UBE2B: variants seen among roughly 807,000 people sequenced by gnomAD.
UBE2B encodes the protein ubiquitin conjugating enzyme E2 B.
UBE2B carries 11 observed loss-of-function variants against 24.6 expected under a neutral mutation model. The observed-to-expected ratio is 0.45, with a 90% confidence interval of 0.28 to 0.74. The LOEUF is 0.74. UBE2B is among the 30% of genes least tolerant of loss of function. UBE2B has a pLI of 0.13. For missense variants in UBE2B, 78 were observed against 185.6 expected, an observed-to-expected ratio of 0.42 and a Z score of 3.37; for synonymous variants, 68 against 62.4, an observed-to-expected ratio of 1.09 and a Z score of -0.42.
At chr5:134,375,558 C>G (rs1344614739) in intron 2 of UBE2B, among the ~76,000 whole-genome samples, 1 of 151,962 alleles carries the variant, frequency 6.6e-6, no homozygotes, top group Non-Finnish European at 1.5e-5. Context: ...GCTTTGAGAT[C>G]CTGAATATGC....
chr5:134,378,874 C>T (rs574101506), intron 3 of UBE2B, among the ~76,000 whole-genome samples: 3 of 148,362 alleles, frequency 2.0e-5, no homozygotes, highest in Non-Finnish European at 4.4e-5. Context: ...GGTTGCAGTG[C>T]GCCAAGATCG....
At chr5:134,379,646 C>CAAAAA (rs1222816195) in intron 3 of UBE2B, among the ~76,000 whole-genome samples, 5 of 75,206 alleles carry the variant, frequency 6.6e-5, no homozygotes. Flanking sequence ...TCTGTCTCAA[C>CAAAAA]AAAAAAAAAA....
At chr5:134,384,972 T>G (rs1758772523) in intron 4 of UBE2B, among the ~76,000 whole-genome samples, 1 of 152,246 alleles carries the variant, frequency 6.6e-6, no homozygotes, top group African/African-American at 2.4e-5. Context: ...GTGACTGACT[T>G]CTGTCACCCA....
chr5:134,387,312 A>T (rs988224525), intron 4 of UBE2B, among the ~76,000 whole-genome samples: 4 of 152,200 alleles, frequency 2.6e-5, no homozygotes, highest in Non-Finnish European at 5.9e-5. Flanking sequence ...ATCTTTGTGC[A>T]TGTCCACGTT....
chr5:134,374,850 G>A (rs573511594), intron 2 of UBE2B, among the ~76,000 whole-genome samples: 3 of 152,246 alleles, frequency 2.0e-5, no homozygotes, highest in South Asian at 4.1e-4. Context: ...GCTGAGGCAG[G>A]AGGATCACTT....
chr5:134,378,297 T>C (rs966373457), intron 3 of UBE2B, among the ~76,000 whole-genome samples: 1 of 152,200 alleles, frequency 6.6e-6, no homozygotes, highest in African/African-American at 2.4e-5. Flanking sequence ...TCTCGCTCTC[T>C]CACCCAGGCT....
In UBE2B at chr5:134,390,172, G is replaced by A. The variant is rs550484724; in HGVS notation, c.331-53G>A. ...GTAATATATTCCATATCTGACCCCTGTTGGTATAAAGAACAACTATGCAAA... is the reference window on the plus strand; with the variant it reads ...GTAATATATTCCATATCTGACCCCTATTGGTATAAAGAACAACTATGCAAA... On this transcript the variant is annotated intron_variant, in intron 5 of 5. Transcript: ENST00000265339. This position sits in a 1 kb window ranked among gnomAD's most constrained non-coding sequence, Gnocchi z 4.6. 2.5e-6 allele frequency: 4 copies of A among 1,608,486 alleles called. No homozygotes were observed. In the African/African-American group the frequency reaches 4.0e-5, roughly 16 times the overall value.
intron 3 of UBE2B, among the ~76,000 whole-genome samples, chr5:134,379,007 G>A (rs909437276): frequency 2.0e-5 from 3 of 151,778 alleles, no homozygotes; most frequent in Admixed American, 1.3e-4. Flanking sequence ...ATTTGTTGCT[G>A]TTGATAAAAT....
intron 4 of UBE2B, among the ~76,000 whole-genome samples, 162 bp downstream of exon 4, chr5:134,380,970 T>A (rs566942690): frequency 7.5e-6 from 1 of 133,546 alleles, no homozygotes; most frequent in East Asian, 2.1e-4. Context: ...TTTTTTTTTT[T>A]TTTTTTTTTT....
chr5:134,389,941 A>G (rs1758875019), intron 5 of UBE2B: 3 of 386,976 alleles, frequency 7.8e-6, no homozygotes, highest in Non-Finnish European at 1.5e-5. Flanking sequence ...TTGGCCTCCC[A>G]AAGTGTTAGG....
In UBE2B at chr5:134,376,258, G is replaced by T. The variant is rs193215033; in HGVS notation, c.126-411G>T. Among the ~76,000 whole-genome samples the T allele has an allele frequency of 2.3e-3, 328 of 139,870 alleles. 1 individual carries two copies. Among genetic ancestry groups the T allele is most frequent in the Non-Finnish European group, 3.8e-3 (250 of 65,364 alleles). The allele number at this position is 139,870 out of a possible 152,430, so 91.8% of individuals were successfully genotyped here. A position where few individuals can be genotyped will look rare whatever the true frequency, so the allele number is the denominator to read the frequency against. ...AATCACTTGAATCCAGGAGAAGGAGGTTGCAGTGAGCTGAGATCATGCCAT... is the reference window on the plus strand; with the variant it reads ...AATCACTTGAATCCAGGAGAAGGAGTTTGCAGTGAGCTGAGATCATGCCAT... On this transcript the variant is annotated intron_variant, in intron 2 of 5. Coordinates refer to ENST00000265339, the MANE Select transcript of UBE2B (RefSeq NM_003337.4).
intron 2 of UBE2B, chr5:134,374,704 C>T (rs868579562): frequency 4.2e-6 from 2 of 472,740 alleles, no homozygotes. Context: ...TATAGTGAGA[C>T]AGTGAGACTC....
intron 1 of UBE2B, among the ~76,000 whole-genome samples, chr5:134,372,206 A>G (rs1758465760): frequency 6.6e-6 from 1 of 152,150 alleles, no homozygotes; most frequent in African/African-American, 2.4e-5. Context: ...CGCCCGCCTG[A>G]AAGGACCTTG....
At chr5:134,385,443 G>A (rs1194330939) in intron 4 of UBE2B, among the ~76,000 whole-genome samples, 1 of 152,148 alleles carries the variant, frequency 6.6e-6, no homozygotes, top group East Asian at 1.9e-4. Context: ...CTCTGTTATG[G>A]TTTGCTCCAT....
intron 4 of UBE2B, among the ~76,000 whole-genome samples, chr5:134,382,773 C>CAA (rs879574737): frequency 8.0e-6 from 1 of 125,620 alleles, no homozygotes; most frequent in African/African-American, 3.0e-5. Flanking sequence ...GACCCTATCT[C>CAA]AAAAAAAAAA....
intron 1 of UBE2B, among the ~76,000 whole-genome samples, chr5:134,373,731 G>C (rs1758539642): frequency 6.6e-6 from 1 of 152,112 alleles, no homozygotes; most frequent in Non-Finnish European, 1.5e-5. Flanking sequence ...GAGAACACGT[G>C]GTGTTTGGTT....
chr5:134,379,840 A>AT (rs1046338590), intron 3 of UBE2B, among the ~76,000 whole-genome samples: 1 of 152,130 alleles, frequency 6.6e-6, no homozygotes, highest in Non-Finnish European at 1.5e-5. Context: ...TATGTAAAAC[A>AT]TTGCTTACAC....
At chr5:134,371,731 C>A in intron 1 of UBE2B, 92 bp downstream of exon 1, 1 of 1,568,464 alleles carries the variant, frequency 6.4e-7, no homozygotes, top group East Asian at 2.3e-5. Flanking sequence ...TTGTGACCCT[C>A]AGAGGGCCGG....
intron 1 of UBE2B, among the ~76,000 whole-genome samples, chr5:134,373,092 CG>C (rs1299979159): frequency 2.6e-5 from 4 of 152,196 alleles, no homozygotes; most frequent in Admixed American, 1.3e-4. Context: ...TTGACTATGA[CG>C]AATGTTGGAA....
Sources: gnomAD v4.1 joint callset for allele counts (sites outside exome capture counted in the v4.1 genomes callset) on GRCh38, gnomAD v4.1.1 for gene constraint, Gnocchi (gnomAD v3.1) non-coding constraint, MANE v1.5 for transcripts, NCBI Gene and HGNC (gene_info 2026-07-23, HGNC 2026-07-21) for gene names.